ZNF823: variants seen among roughly 807,000 people sequenced by gnomAD.
ZNF823 encodes zinc finger protein 823, also known as ZFP 36 for a zinc finger protein.
In ZNF823, 5 loss-of-function variants were observed where a neutral mutation model predicts 11.4. The ratio of observed to expected loss-of-function variants is 0.44; its 90% confidence interval spans 0.23 to 0.92. The LOEUF is 0.92. Ranked by LOEUF, ZNF823 falls within the 40% of genes least tolerant of loss-of-function variation. The pLI, the probability that ZNF823 is intolerant of heterozygous loss-of-function variation, is 0.24. For synonymous variants in ZNF823, 234 were observed against 250.5 expected, an observed-to-expected ratio of 0.93 and a Z score of 0.62; for missense variants, 582 against 738.5, an observed-to-expected ratio of 0.79 and a Z score of 2.46.
rs910070856 is a variant in ZNF823 at position 11,721,307 on chromosome 19, A to T, written c.*394T>A. 2 of 163,950 alleles carry T rather than the reference A, an allele frequency of 1.2e-5. No homozygotes were observed. Among genetic ancestry groups the T allele is most frequent in the Non-Finnish European group, 2.6e-5 (2 of 75,624 alleles). 10.2% of individuals were successfully genotyped at this position (163,950 alleles called of 1,614,324 possible). On this transcript the variant is annotated 3_prime_UTR_variant, in exon 4 of 4. Transcript: ENST00000341191. ...TTTAATGTTCTGGGTGACATATACC[A>T]CGTAGGTGGGCCTGCAATGGTTGTG...
chr19:11,728,535 G>C (rs910921229), intron 1 of ZNF823, among the ~76,000 whole-genome samples: 2 of 152,130 alleles, frequency 1.3e-5, no homozygotes, highest in Non-Finnish European at 2.9e-5. Flanking sequence ...ATGGAATTTG[G>C]AACAGTAAGT....
intron 1 of ZNF823, among the ~76,000 whole-genome samples, chr19:11,728,326 C>G (rs1229626146): frequency 6.6e-6 from 1 of 152,146 alleles, no homozygotes; most frequent in East Asian, 1.9e-4. Context: ...CCTACTAAGT[C>G]TTGGGAAGAA....
At chr19:11,727,099 C>T (rs1974804740) in intron 1 of ZNF823, among the ~76,000 whole-genome samples, 1 of 152,200 alleles carries the variant, frequency 6.6e-6, no homozygotes, top group Non-Finnish European at 1.5e-5. Flanking sequence ...TAACAAAAAA[C>T]TCAGTGTCAC....
intron 1 of ZNF823, among the ~76,000 whole-genome samples, chr19:11,732,680 A>C (rs910009439): frequency 7.8e-6 from 1 of 127,768 alleles, no homozygotes; most frequent in Non-Finnish European, 1.7e-5. Context: ...TGATCTGCCC[A>C]CCTCGGCCTC....
intron 2 of ZNF823, among the ~76,000 whole-genome samples, chr19:11,724,555 CT>C (rs751508496): frequency 0.044 from 5,515 of 126,092 alleles, 85 homozygotes; most frequent in South Asian, 0.13. Flanking sequence ...AGTTTCTCAT[CT>C]TTTTTTTTTT....
chr19:11,734,688 C>T (rs1476954430), intron 1 of ZNF823, among the ~76,000 whole-genome samples: 2 of 152,136 alleles, frequency 1.3e-5, no homozygotes, highest in Non-Finnish European at 2.9e-5. Context: ...TAGGCGTGTG[C>T]CACCACACCT....
In ZNF823 at chr19:11,722,729, T is replaced by C; in HGVS notation, c.805A>G (p.Thr269Ala). The change falls in exon 4 of 4, where the codon ACT becomes GCT. Residue 269 changes from threonine (T) to alanine (A), a missense_variant. Physicochemically the swap from Thr to Ala is moderately conservative, Grantham distance 58. Coordinates refer to ENST00000341191, the MANE Select transcript of ZNF823 (RefSeq NM_001080493.4). This position sits in a 1 kb window ranked among gnomAD's most constrained non-coding sequence, Gnocchi z 5.2. ...TTATAGGGTTTCTCTCCGGTGTGAG[T>C]TCTCTCATGTCTTAGATAGGTACTG... ...DYSTYLRHERTHTGEKPYKCT... is the reference protein window; with the variant it reads ...DYSTYLRHERAHTGEKPYKCT... 2 of 1,614,154 alleles carry C rather than the reference T, an allele frequency of 1.2e-6. No homozygotes were observed. The highest frequency in any genetic ancestry group is 1.7e-6 in the Non-Finnish European group (2 of 1,180,018).
Position 11,725,214 on chromosome 19 carries a change from G to A in ZNF823, c.117C>T (p.Asn39=), listed in dbSNP as rs1466622742. The change falls in exon 2 of 4, where the codon AAC becomes AAT. Residue 39 remains asparagine, a synonymous_variant. Transcript: ENST00000341191. The stretch of plus-strand genomic sequence containing the variant: ...TGTCATCCTTACCTATACAGTCCAG[G>A]TTCCTAATGGTTTCCTGCATGACAT... ...YRNVMQETIR[N]LDCIEMKWED... 1 of 1,613,778 alleles carries A rather than the reference G, an allele frequency of 6.2e-7. No individual in the cohort carries two copies. The highest frequency in any genetic ancestry group is 8.5e-7 in the Non-Finnish European group (1 of 1,179,858).
intron 1 of ZNF823, among the ~76,000 whole-genome samples, chr19:11,738,532 C>A (rs1975037676): frequency 6.6e-6 from 1 of 152,234 alleles, no homozygotes; most frequent in African/African-American, 2.4e-5. Flanking sequence ...TACAACTGCA[C>A]AATCTGGGGA....
chr19:11,738,226 TCTCGGATC>T (rs2145056291), intron 1 of ZNF823, among the ~76,000 whole-genome samples: 1 of 152,248 alleles, frequency 6.6e-6, no homozygotes, highest in South Asian at 2.1e-4. Context: ...CTCAGTTCTT[TCTCGGATC>T]CTGAATTGCA....
chr19:11,722,825 TTAGA>T lies in ZNF823; in HGVS notation c.705_708del (p.Tyr235Ter). On this transcript the variant is annotated frameshift_variant, in exon 4 of 4. Transcript: ENST00000341191. LOFTEE classifies it low-confidence loss of function (END_TRUNC). This position sits in a 1 kb window ranked among gnomAD's most constrained non-coding sequence, Gnocchi z 5.2. ...TCTCCCGTGTGGATTCTTTCATGTC[TTAGA>T]TAGGAACTGTAAAAAGGAAAGGCTT... 4 of 1,614,122 alleles carry T rather than the reference TTAGA, an allele frequency of 2.5e-6. No homozygotes were observed. Among genetic ancestry groups the T allele is most frequent in the Non-Finnish European group, 3.4e-6 (4 of 1,180,014 alleles).
chr19:11,738,718 G>C, intron 1 of ZNF823, 99 bp downstream of exon 1: 1 of 1,438,186 alleles, frequency 7.0e-7, no homozygotes, highest in Non-Finnish European at 9.3e-7. Flanking sequence ...GCAGACCCCG[G>C]AGTCGCCCAG....
At chr19:11,736,975 C>T (rs1975002481) in intron 1 of ZNF823, among the ~76,000 whole-genome samples, 1 of 152,172 alleles carries the variant, frequency 6.6e-6, no homozygotes, top group African/African-American at 2.4e-5. Context: ...GAAACTCCTC[C>T]CACCCCACGA....
At chr19:11,724,118 T>C in intron 3 of ZNF823, 76 bp downstream of exon 3, 1 of 1,221,534 alleles carries the variant, frequency 8.2e-7, no homozygotes, top group East Asian at 2.5e-5. Context: ...TCATTTTCTC[T>C]GCTCGTTTTT....
chr19:11,724,316 A>T, intron 2 of ZNF823, 62 bp from the exon 3 acceptor site: 1 of 1,459,556 alleles, frequency 6.9e-7, no homozygotes, highest in Non-Finnish European at 9.3e-7. Context: ...AAACTCTAAG[A>T]TTTTACGCGT....
Position 11,729,001 on chromosome 19 carries a change from C to T in ZNF823, c.4-3674G>A, listed in dbSNP as rs373448489. ...CAGCCTGTCCAACATGATGAAACCCCGTCTCTACTAAAAATACAAAAAAAT... is the reference window on the plus strand; with the variant it reads ...CAGCCTGTCCAACATGATGAAACCCTGTCTCTACTAAAAATACAAAAAAAT... On this transcript the variant is annotated intron_variant, in intron 1 of 3. Coordinates refer to ENST00000341191, the MANE Select transcript of ZNF823 (RefSeq NM_001080493.4). 5.3e-4 allele frequency among the ~76,000 whole-genome samples: 80 copies of T among 152,046 alleles called. 1 individual carries two copies. Among genetic ancestry groups the T allele is most frequent in the African/African-American group, 1.7e-3 (70 of 41,462 alleles).
At position 11,721,819 on chromosome 19, in the gene ZNF823, C is replaced by A; in HGVS notation, c.1715G>T (p.Gly572Val). The change falls in exon 4 of 4, where the codon GGA becomes GTA. Residue 572 changes from glycine to valine, a missense_variant. By Grantham distance (109) the Gly-to-Val change is moderately radical (BLOSUM62 -3). Coordinates refer to ENST00000341191, the MANE Select transcript of ZNF823 (RefSeq NM_001080493.4). ...CTCTCCAGTGTGAGTTTTTTCATGT[C>A]CTCGAAGGAAACGGGAACGAGTGAA... The part of the protein sequence containing the change: ...KAFTRSRFLR[G>V]HEKTHTGEKL... 6.2e-7 allele frequency: 1 copy of A among 1,610,516 alleles called. No individual in the cohort carries two copies. Among genetic ancestry groups the A allele is most frequent in the Non-Finnish European group, 8.5e-7 (1 of 1,178,952 alleles).
Position 11,722,439 on chromosome 19 carries a change from A to T in ZNF823, c.1095T>A (p.Cys365Ter). 1.2e-6 allele frequency: 2 copies of T among 1,614,084 alleles called. No individual in the cohort carries two copies. Among genetic ancestry groups the T allele is most frequent in the Non-Finnish European group, 1.7e-6 (2 of 1,180,016 alleles). Reference protein sequence around the residue: ...TGEKPYECKQCGKVLSHSSSF... With the variant: ...TGEKPYECKQ ...TCGAGCTATGAGATAACACTTTCCCACACTGCTTACATTCATAGGGTTTCT... is the reference window on the plus strand; with the variant it reads ...TCGAGCTATGAGATAACACTTTCCCTCACTGCTTACATTCATAGGGTTTCT... The change falls in exon 4 of 4, where the codon TGT becomes TGA. Residue 365 changes from cysteine to a stop codon, truncating the protein, a stop_gained. Transcript: ENST00000341191. LOFTEE classifies it low-confidence loss of function (END_TRUNC). The surrounding 1 kb of genome is among the most constrained non-coding windows in gnomAD (Gnocchi z 5.2).
intron 1 of ZNF823, among the ~76,000 whole-genome samples, chr19:11,732,633 C>T (rs1216061642): frequency 6.0e-5 from 9 of 151,188 alleles, no homozygotes; most frequent in Non-Finnish European, 4.4e-5. Flanking sequence ...CGGGGTTTCA[C>T]GGTGTTAGCC....
Sources: allele counts gnomAD v4.1 joint callset (sites outside exome capture counted in the v4.1 genomes callset), GRCh38; gene constraint gnomAD v4.1.1; non-coding constraint Gnocchi (gnomAD v3.1); transcripts MANE v1.5; gene names NCBI Gene and HGNC (gene_info 2026-07-23, HGNC 2026-07-21).